Variants in TTI2 observed in about 807,000 individuals in gnomAD.
TTI2 encodes the protein TELO2-interacting protein 2.
In TTI2, 26 loss-of-function variants were observed where a neutral mutation model predicts 44.9. The observed-to-expected ratio is 0.58, with a 90% CI of 0.42 to 0.80. The LOEUF (loss-of-function observed/expected upper bound fraction) is 0.80. Ranked by LOEUF, TTI2 falls within the 30% of genes least tolerant of loss-of-function variation. The probability of loss-of-function intolerance (pLI) is 0.00; values close to 1 mark genes in which losing one functional copy is unlikely to be tolerated. For missense variants in TTI2, 582 were observed against 611.6 expected, an observed-to-expected ratio of 0.95 and a Z score of 0.51; for synonymous variants, 254 against 250.9, an observed-to-expected ratio of 1.01 and a Z score of -0.12.
In TTI2 at chr8:33,510,454, G is replaced by A. The variant is rs374616071; in HGVS notation, c.648-522C>T. 2.2e-4 allele frequency among the ~76,000 whole-genome samples: 34 copies of A among 152,260 alleles called. No individual in the cohort carries two copies. The South Asian group carries it at 6.8e-3, about 31-fold the overall frequency. On this transcript the variant is annotated intron_variant, in intron 2 of 7. Transcript: ENST00000431156. ...TGCAGTGGCACCATCTGGGTTCACT[G>A]CAACCTCCGCCTCCCAGGCTCAAGC... is the stretch of plus-strand genomic sequence containing the variant.
chr8:33,511,903 T>A (rs1809540464), intron 2 of TTI2, 64 bp downstream of exon 2: 6 of 1,525,930 alleles, frequency 3.9e-6, no homozygotes, highest in East Asian at 2.3e-5. Flanking sequence ...AATAAATAAA[T>A]AATAAAAAAT....
In TTI2 at chr8:33,512,454, C is replaced by A. The variant is rs577201836; in HGVS notation, c.160G>T (p.Asp54Tyr). Reference sequence around the variant, plus strand: ...GTGGCTTCTATTAGATCACCGAGGTCTTTAAGAACTGCATCTTTTACATTG... The same window carrying A: ...GTGGCTTCTATTAGATCACCGAGGTATTTAAGAACTGCATCTTTTACATTG... ...RGNVKDAVLK[D>Y]LGDLIEATEF... The change falls in exon 2 of 8, where the codon GAC (aspartate) becomes TAC (tyrosine). Residue 54 changes from aspartate to tyrosine, a missense_variant. By Grantham distance (160) the Asp-to-Tyr change is radical. Coordinates refer to ENST00000431156, the MANE Select transcript of TTI2 (RefSeq NM_001102401.4). 3.2e-5 allele frequency: 51 copies of A among 1,614,118 alleles called. 1 individual carries two copies. In the South Asian group the frequency reaches 5.3e-4, roughly 17 times the overall value.
At chr8:33,506,961 C>G (rs988925454) in intron 4 of TTI2, among the ~76,000 whole-genome samples, 3 of 152,138 alleles carry the variant, frequency 2.0e-5, no homozygotes, top group Non-Finnish European at 4.4e-5. Context: ...TCCCAAAGTG[C>G]TGGGATTACA....
At chr8:33,503,670 G>C (rs1009200031) in intron 5 of TTI2, 78 bp downstream of exon 5, 2 of 1,605,312 alleles carry the variant, frequency 1.2e-6, no homozygotes, top group African/African-American at 2.7e-5. Context: ...TTGAGGCCAG[G>C]AGCTCGAGAG....
At chr8:33,508,969 C>T (rs1351644103) in intron 3 of TTI2, among the ~76,000 whole-genome samples, 2 of 151,502 alleles carry the variant, frequency 1.3e-5, no homozygotes, top group African/African-American at 2.4e-5. Flanking sequence ...TGGTGAAACC[C>T]CATTTCCACT....
intron 1 of TTI2, 145 bp from the exon 2 acceptor site, chr8:33,512,857 A>G: frequency 3.2e-6 from 1 of 315,918 alleles, no homozygotes; most frequent in Non-Finnish European, 5.8e-6. Context: ...CCTGGGCGAC[A>G]GAGTGAGACT....
chr8:33,502,789 G>GCACT (rs1809135542), intron 6 of TTI2, among the ~76,000 whole-genome samples: 2 of 151,952 alleles, frequency 1.3e-5, no homozygotes, highest in Non-Finnish European at 2.9e-5. Flanking sequence ...TCGCGCCATT[G>GCACT]CACTCCGGCC....
intron 4 of TTI2, 55 bp downstream of exon 4, chr8:33,507,174 C>T (rs1324530019): frequency 2.0e-6 from 3 of 1,482,266 alleles, no homozygotes; most frequent in Non-Finnish European, 2.8e-6. Context: ...ACAATGCAAC[C>T]TTCTACTCAA....
rs1015193369 is a variant in TTI2 at position 33,499,082 on chromosome 8, G to A, written c.*91C>T. 7.3e-5 allele frequency: 80 copies of A among 1,089,210 alleles called. No homozygotes were observed. The highest frequency in any genetic ancestry group is 6.9e-5 in the Non-Finnish European group (50 of 719,972). 67.5% of individuals were successfully genotyped at this position (1,089,210 alleles called of 1,614,324 possible). The stretch of plus-strand genomic sequence containing the variant: ...AAGCAGCTTTCACTTACAAAGTTTC[G>A]TGTAAAAATATCTTTTTTTCTTAAA... On this transcript the variant is annotated 3_prime_UTR_variant, in exon 8 of 8. Coordinates refer to ENST00000431156, the MANE Select transcript of TTI2 (RefSeq NM_001102401.4).
In TTI2 at chr8:33,503,499, C is replaced by T; in HGVS notation, c.1189G>A (p.Gly397Arg). Residue 397 changes from glycine (G) to arginine (R), a missense_variant, in exon 6 of 8, where the codon GGA (glycine) becomes AGA (arginine). Coordinates refer to ENST00000431156, the MANE Select transcript of TTI2 (RefSeq NM_001102401.4). Reference sequence around the variant, plus strand: ...TTCAGTCTAGCTTCCTCCTCAGGTCCATCATAAACCTCCAGATAACCAATG... The same window carrying T: ...TTCAGTCTAGCTTCCTCCTCAGGTCTATCATAAACCTCCAGATAACCAATG... The part of the protein sequence containing the change: ...VIIGYLEVYD[G>R]PEEEARLKIL... 1.2e-6 allele frequency: 2 copies of T among 1,614,076 alleles called. No homozygotes were observed. Among genetic ancestry groups the T allele is most frequent in the Non-Finnish European group, 1.7e-6 (2 of 1,180,014 alleles).
In TTI2 at chr8:33,500,396, TCTTAACAGA is replaced by T; in HGVS notation, c.1345_1353del (p.Val450_Ser452del). The T allele has an allele frequency of 6.2e-7, 1 of 1,614,106 alleles. No homozygotes were observed. The highest frequency in any genetic ancestry group is 8.5e-7 in the Non-Finnish European group (1 of 1,180,016). ...TCTGTGGCCTCCTGTAGCAGGGCGC[TCTTAACAGA>T]CTCAGGTGTAAGGTTTGGATCCCTT... On this transcript the variant is annotated inframe_deletion, in exon 7 of 8. Coordinates refer to ENST00000431156, the MANE Select transcript of TTI2 (RefSeq NM_001102401.4).
intron 3 of TTI2, among the ~76,000 whole-genome samples, chr8:33,509,206 A>AC (rs2128830228): frequency 6.6e-6 from 1 of 151,210 alleles, no homozygotes; most frequent in Non-Finnish European, 1.5e-5. Context: ...TAATCCCAGC[A>AC]CTTTGGGAGG....
At chr8:33,502,454 A>G (rs1809118671) in intron 6 of TTI2, among the ~76,000 whole-genome samples, 1 of 150,492 alleles carries the variant, frequency 6.6e-6, no homozygotes, top group South Asian at 2.1e-4. Context: ...ATTTGACCAC[A>G]GAATTTTTTT....
intron 4 of TTI2, among the ~76,000 whole-genome samples, chr8:33,506,583 G>A (rs1011390099): frequency 6.6e-6 from 1 of 151,730 alleles, no homozygotes. Context: ...AGTAGAGGCG[G>A]GGTTTCACCA....
In TTI2 at chr8:33,503,498, C is replaced by G. The variant is rs150984360; in HGVS notation, c.1190G>C (p.Gly397Ala). 1 of 1,613,990 alleles carries G rather than the reference C, an allele frequency of 6.2e-7. No homozygotes were observed. Among genetic ancestry groups the G allele is most frequent in the African/African-American group, 1.3e-5 (1 of 74,914 alleles). The change falls in exon 6 of 8, where the codon GGA becomes GCA. Residue 397 changes from glycine (G) to alanine (A), a missense_variant. Coordinates refer to ENST00000431156, the MANE Select transcript of TTI2 (RefSeq NM_001102401.4). ...VIIGYLEVYD[G>A]PEEEARLKIL... is the part of the protein sequence containing the mutation. ...CTTCAGTCTAGCTTCCTCCTCAGGT[C>G]CATCATAAACCTCCAGATAACCAAT...
intron 6 of TTI2, 122 bp from the exon 7 acceptor site, chr8:33,500,612 TAAATG>T: frequency 8.0e-7 from 1 of 1,255,780 alleles, no homozygotes; most frequent in Non-Finnish European, 1.1e-6. Context: ...AGGTCAAAGT[TAAATG>T]AAAAAGACCT....
intron 6 of TTI2, 188 bp from the exon 7 acceptor site, chr8:33,500,678 T>TA: frequency 1.6e-6 from 1 of 610,206 alleles, no homozygotes; most frequent in East Asian, 3.0e-5. Flanking sequence ...AAGTCTCCTG[T>TA]TAGCATACTG....
chr8:33,512,066 G>A lies in TTI2; in HGVS notation c.548C>T (p.Thr183Ile). Residue 183 changes from threonine to isoleucine, a missense_variant, in exon 2 of 8, where the codon ACT becomes ATT. Thr to Ile is a moderately conservative substitution (Grantham distance 89). Transcript: ENST00000431156. ...REVLTSLLQV[T>I]ECGSVAGFLH... ...GAATCCTGCCACAGAACCGCATTCA[G>A]TAACTTGAAGCAGTGAGGTGAGCAC... 6.2e-7 allele frequency: 1 copy of A among 1,614,078 alleles called. No homozygotes were observed. Among genetic ancestry groups the A allele is most frequent in the Non-Finnish European group, 8.5e-7 (1 of 1,180,020 alleles).
intron 6 of TTI2, 69 bp downstream of exon 6, chr8:33,503,360 T>C: frequency 6.2e-7 from 1 of 1,606,650 alleles, no homozygotes; most frequent in South Asian, 1.1e-5. Context: ...GTACTGAATG[T>C]ATTAAATACA....
Sources: gnomAD v4.1 joint callset for allele counts (sites outside exome capture counted in the v4.1 genomes callset) on GRCh38, gnomAD v4.1.1 for gene constraint, MANE v1.5 for transcripts, NCBI Gene and HGNC (gene_info 2026-07-23, HGNC 2026-07-21) for gene names.